Variants in CCDC171 observed in about 807,000 individuals in gnomAD.
CCDC171 encodes coiled-coil domain-containing protein 171.
CCDC171 carries 177 observed loss-of-function variants against 168.2 expected under a neutral mutation model. The observed-to-expected ratio is 1.05, with a 90% confidence interval of 0.93 to 1.19. The LOEUF is 1.19. Among genes scored for constraint, CCDC171 ranks in the 50% most tolerant of loss-of-function variants. The probability of loss-of-function intolerance (pLI) is 0.00; values close to 1 mark genes in which losing one functional copy is unlikely to be tolerated. For synonymous variants in CCDC171, 687 were observed against 540.8 expected, an observed-to-expected ratio of 1.27 and a Z score of -3.75; for missense variants, 1,991 against 1,539.0, an observed-to-expected ratio of 1.29 and a Z score of -4.91.
At chr9:15,962,188 T>C (rs1174046497) in intron 25 of CCDC171, among the ~76,000 whole-genome samples, 3 of 152,160 alleles carry the variant, frequency 2.0e-5, no homozygotes, top group African/African-American at 7.2e-5. Context: ...AGAAAACATA[T>C]ACCCTAGAAA....
chr9:15,628,318 C>T (rs1035228005), intron 7 of CCDC171, among the ~76,000 whole-genome samples: 2 of 152,152 alleles, frequency 1.3e-5, no homozygotes, highest in African/African-American at 2.4e-5. Flanking sequence ...TCGGGTCACT[C>T]CCACCCCAAT....
intron 16 of CCDC171, among the ~76,000 whole-genome samples, chr9:15,732,873 G>A (rs1355948002): frequency 6.6e-6 from 1 of 152,098 alleles, no homozygotes; most frequent in Non-Finnish European, 1.5e-5. Context: ...TGTAACTTAA[G>A]CAACTATTAA....
chr9:15,786,580 T>C (rs965202292), intron 21 of CCDC171, among the ~76,000 whole-genome samples: 3 of 152,184 alleles, frequency 2.0e-5, no homozygotes, highest in African/African-American at 7.2e-5. Flanking sequence ...ATAAGTATAG[T>C]GGTATCTGTC....
At chr9:15,732,546 T>C (rs952412638) in intron 16 of CCDC171, among the ~76,000 whole-genome samples, 2 of 152,136 alleles carry the variant, frequency 1.3e-5, no homozygotes, top group Non-Finnish European at 2.9e-5. Context: ...ACTCATACAG[T>C]ATATAGCCTT....
chr9:16,003,015 G>T (rs1295846571), intron 3 of CCDC171, among the ~76,000 whole-genome samples: 1 of 152,124 alleles, frequency 6.6e-6, no homozygotes, highest in Admixed American at 6.5e-5. Flanking sequence ...CTCACAATGT[G>T]TTTCTTAGAA....
chr9:15,663,213 A>G (rs1453957339), intron 8 of CCDC171, among the ~76,000 whole-genome samples: 1 of 152,082 alleles, frequency 6.6e-6, no homozygotes, highest in Non-Finnish European at 1.5e-5. Context: ...TTTTATTCTA[A>G]TATCTGTTAT....
chr9:15,774,062 G>GA (rs2057161317), intron 18 of CCDC171, among the ~76,000 whole-genome samples: 1 of 151,712 alleles, frequency 6.6e-6, no homozygotes, highest in South Asian at 2.1e-4. Flanking sequence ...TCTGGTCAAC[G>GA]TGGTGAAACC....
At chr9:16,098,487 T>C in the CCDC171 span, among the ~76,000 whole-genome samples, 1 of 152,206 alleles carries the variant, frequency 6.6e-6, no homozygotes, top group African/African-American at 2.4e-5. Context: ...CTGGCTTTGG[T>C]CCACACTCTT....
the CCDC171 span, among the ~76,000 whole-genome samples, chr9:16,094,643 T>G: frequency 6.6e-6 from 1 of 152,052 alleles, no homozygotes; most frequent in Non-Finnish European, 1.5e-5. Context: ...TCCTCAAGAG[T>G]GGGACTATGT....
At chr9:15,948,665 A>T (rs1182228955) in intron 25 of CCDC171, among the ~76,000 whole-genome samples, 2 of 151,394 alleles carry the variant, frequency 1.3e-5, no homozygotes, top group Non-Finnish European at 2.9e-5. Flanking sequence ...CCCCTTTTTG[A>T]TGGGGTTGTT....
At chr9:15,912,876 C>G (rs1823912194) in intron 24 of CCDC171, among the ~76,000 whole-genome samples, 1 of 152,164 alleles carries the variant, frequency 6.6e-6, no homozygotes, top group South Asian at 2.1e-4. Context: ...CCTTGCATCC[C>G]AAGGATGAAG....
At chr9:15,956,961 A>C (rs1393463525) in intron 25 of CCDC171, among the ~76,000 whole-genome samples, 1 of 152,136 alleles carries the variant, frequency 6.6e-6, no homozygotes, top group Non-Finnish European at 1.5e-5. Context: ...GTAGTCTAAA[A>C]ATCAAATCTT....
intron 9 of CCDC171, among the ~76,000 whole-genome samples, chr9:15,677,932 T>TG: frequency 2.9e-5 from 1 of 34,300 alleles, no homozygotes; most frequent in South Asian, 1.1e-3. Context: ...ATATAAGAGA[T>TG]GTGGTCTCAT....
rs114506233 is a variant in CCDC171, at chr9:15,570,624, C to G, written c.42-1000C>G. 6.8e-3 allele frequency among the ~76,000 whole-genome samples: 1,034 copies of G among 152,238 alleles called. 8 individuals carry two copies. The highest frequency in any genetic ancestry group is 0.024 in the African/African-American group (1,000 of 41,528). Reference sequence around the variant, plus strand: ...TGCTCTGTAGGGTTATATGGTTAAGCTGTTTTTCTAGAGAACCACTGGCAT... The same window carrying G: ...TGCTCTGTAGGGTTATATGGTTAAGGTGTTTTTCTAGAGAACCACTGGCAT... On this transcript the variant is annotated intron_variant, in intron 2 of 25. Coordinates refer to ENST00000380701, the MANE Select transcript of CCDC171 (RefSeq NM_173550.4).
chr9:15,590,869 T>C (rs2041961635), intron 4 of CCDC171, among the ~76,000 whole-genome samples: 1 of 151,006 alleles, frequency 6.6e-6, no homozygotes, highest in African/African-American at 2.4e-5. Context: ...TTTCTTTCTT[T>C]CTCTCTTTCT....
At chr9:15,638,357 C>T (rs1395834447) in intron 7 of CCDC171, among the ~76,000 whole-genome samples, 1 of 152,038 alleles carries the variant, frequency 6.6e-6, no homozygotes, top group Admixed American at 6.6e-5. Flanking sequence ...AGTTAAATTT[C>T]TGGAGAGCAT....
At chr9:15,668,217 G>A (rs1400619702) in intron 9 of CCDC171, among the ~76,000 whole-genome samples, 1 of 152,118 alleles carries the variant, frequency 6.6e-6, no homozygotes, top group Non-Finnish European at 1.5e-5. Context: ...ACACAGAGTG[G>A]ATGATTCTCT....
chr9:15,947,078 G>A (rs1408079749), intron 25 of CCDC171, among the ~76,000 whole-genome samples: 6 of 151,886 alleles, frequency 4.0e-5, no homozygotes, highest in Admixed American at 2.6e-4. Context: ...GTCAAACTAA[G>A]TTGGGATTTT....
downstream of CCDC171, among the ~76,000 whole-genome samples, chr9:15,976,421 C>G (rs1339479106): frequency 6.6e-6 from 1 of 152,058 alleles, no homozygotes; most frequent in Non-Finnish European, 1.5e-5. Flanking sequence ...TAGAGTCACA[C>G]TCTATTGCCA....
Sources: allele counts gnomAD v4.1 joint callset (sites outside exome capture counted in the v4.1 genomes callset), GRCh38; gene constraint gnomAD v4.1.1; transcripts MANE v1.5; gene names NCBI Gene and HGNC (gene_info 2026-07-23, HGNC 2026-07-21).